Variants in ATXN7L1 observed in about 807,000 individuals in gnomAD.
ATXN7L1 encodes ataxin-7-like protein 1.
A neutral mutation model predicts 70.8 loss-of-function variants in ATXN7L1; 15 were observed. That is an observed-to-expected ratio of 0.21 (90% CI 0.14 to 0.33). ATXN7L1 has a LOEUF of 0.33. Ranked by LOEUF, ATXN7L1 falls within the 10% of genes least tolerant of loss-of-function variation. The pLI is 1.00. For missense variants in ATXN7L1, 975 were observed against 1,097.1 expected (o/e 0.89, Z 1.57); for synonymous variants, 440 against 445.1 (o/e 0.99, Z 0.14).
chr7:105,850,387 T>C lies in ATXN7L1; in HGVS notation c.250+25425A>G, dbSNP rs552910740. On this transcript the variant is annotated intron_variant, in intron 2 of 11. Transcript: ENST00000419735. ...CTGAAGGACACCCCCTAGTCCTCTGTTCCAGGGGCTACTCAATGGCAACCA... is the reference window on the plus strand; with the variant it reads ...CTGAAGGACACCCCCTAGTCCTCTGCTCCAGGGGCTACTCAATGGCAACCA... 7.6e-4 allele frequency among the ~76,000 whole-genome samples: 116 copies of C among 152,336 alleles called. 2 individuals are homozygous for C. In the South Asian group the frequency reaches 0.021, roughly 28 times the overall value.
At chr7:105,613,211 T>G (rs1199213541) in intron 10 of ATXN7L1, among the ~76,000 whole-genome samples, 2 of 152,202 alleles carry the variant, frequency 1.3e-5, no homozygotes, top group African/African-American at 4.8e-5. Flanking sequence ...CTCTCTCAGC[T>G]TCCTCACCAT....
At chr7:105,636,170 G>C (rs1049598778) in intron 7 of ATXN7L1, among the ~76,000 whole-genome samples, 1 of 152,048 alleles carries the variant, frequency 6.6e-6, no homozygotes, top group East Asian at 1.9e-4. Flanking sequence ...CGAGGTGGGC[G>C]AATCACCTGA....
chr7:105,728,993 G>A (rs2116323692), intron 3 of ATXN7L1, among the ~76,000 whole-genome samples: 1 of 152,230 alleles, frequency 6.6e-6, no homozygotes, highest in South Asian at 2.1e-4. Flanking sequence ...GCCACGCGTG[G>A]TAGCTCACAC....
At chr7:105,765,554 T>C (rs1316452) in intron 3 of ATXN7L1, among the ~76,000 whole-genome samples, 7,832 of 152,224 alleles carry the variant, frequency 0.051, 298 homozygotes, top group South Asian at 0.14. Context: ...TCCTGTGCTG[T>C]CTCTCATCCC....
intron 3 of ATXN7L1, among the ~76,000 whole-genome samples, chr7:105,704,839 A>C (rs1417714749): frequency 6.6e-6 from 1 of 151,588 alleles, no homozygotes; most frequent in Admixed American, 6.6e-5. Context: ...TCAAACTCCT[A>C]ACCTCAGGTG....
chr7:105,693,002 G>A (rs1791216162), intron 3 of ATXN7L1, among the ~76,000 whole-genome samples: 1 of 152,072 alleles, frequency 6.6e-6, no homozygotes, highest in Non-Finnish European at 1.5e-5. Context: ...ACAAGCATGA[G>A]CCGTCATGCC....
At chr7:105,717,620 T>C (rs1794723767) in intron 3 of ATXN7L1, among the ~76,000 whole-genome samples, 1 of 152,232 alleles carries the variant, frequency 6.6e-6, no homozygotes, top group Admixed American at 6.5e-5. Context: ...AGGTCCTTGA[T>C]ACATCTAGTC....
At chr7:105,751,403 G>A (rs74503464) in intron 3 of ATXN7L1, among the ~76,000 whole-genome samples, 1,556 of 152,200 alleles carry the variant, frequency 0.01, 21 homozygotes, top group African/African-American at 0.035. Flanking sequence ...CATGCCTGAC[G>A]GGTGAATCAC....
intron 3 of ATXN7L1, chr7:105,691,553 C>G (rs1272256842): frequency 1.3e-5 from 2 of 151,670 alleles, no homozygotes; most frequent in African/African-American, 2.4e-5. Context: ...AAACTAAAAC[C>G]ACTTACAGAG....
chr7:105,775,479 G>T (rs1802599676), intron 3 of ATXN7L1, among the ~76,000 whole-genome samples: 2 of 152,160 alleles, frequency 1.3e-5, no homozygotes, highest in Non-Finnish European at 2.9e-5. Context: ...GTAACTCTCC[G>T]TGATCCCAGA....
intron 3 of ATXN7L1, among the ~76,000 whole-genome samples, chr7:105,682,988 G>C (rs1805729155): frequency 6.6e-6 from 1 of 152,174 alleles, no homozygotes; most frequent in African/African-American, 2.4e-5. Context: ...GTAAGAGCAA[G>C]GATAATCTAC....
At chr7:105,629,625 C>T (rs1796280436) in intron 7 of ATXN7L1, among the ~76,000 whole-genome samples, 1 of 151,292 alleles carries the variant, frequency 6.6e-6, no homozygotes, top group Non-Finnish European at 1.5e-5. Flanking sequence ...AAGTGATTCT[C>T]CTGCCTCAGC....
At chr7:105,778,573 T>G (rs180939939) in intron 3 of ATXN7L1, among the ~76,000 whole-genome samples, 38 of 151,726 alleles carry the variant, frequency 2.5e-4, no homozygotes, top group African/African-American at 8.7e-4. Context: ...AAGATCCTAT[T>G]AATTTATTTC....
chr7:105,670,722 G>C (rs1291965175), intron 3 of ATXN7L1, among the ~76,000 whole-genome samples: 1 of 151,704 alleles, frequency 6.6e-6, no homozygotes, highest in African/African-American at 2.4e-5. Flanking sequence ...CCAGCACTTT[G>C]GGAGGCCAAG....
chr7:105,805,366 A>G (rs1299709383), intron 2 of ATXN7L1, among the ~76,000 whole-genome samples: 1 of 152,200 alleles, frequency 6.6e-6, no homozygotes, highest in East Asian at 1.9e-4. Context: ...ATATGCAGGA[A>G]GTTCAGGGGG....
chr7:105,851,606 G>C (rs1289586503), intron 2 of ATXN7L1, among the ~76,000 whole-genome samples: 1 of 152,198 alleles, frequency 6.6e-6, no homozygotes, highest in Non-Finnish European at 1.5e-5. Context: ...AAAGCAGCAA[G>C]CTTATTCCTC....
At chr7:105,841,451 C>T (rs1355140540) in intron 2 of ATXN7L1, among the ~76,000 whole-genome samples, 1 of 152,198 alleles carries the variant, frequency 6.6e-6, no homozygotes, top group Non-Finnish European at 1.5e-5. Context: ...CAGAAGTAAA[C>T]AATTCATAGG....
chr7:105,641,727 G>A (rs1375003929), intron 5 of ATXN7L1, among the ~76,000 whole-genome samples: 1 of 152,284 alleles, frequency 6.6e-6, no homozygotes, highest in African/African-American at 2.4e-5. Flanking sequence ...GAGGCCCACA[G>A]TGCTTAGGGA....
intron 4 of ATXN7L1, among the ~76,000 whole-genome samples, chr7:105,647,746 C>T (rs1326681701): frequency 6.6e-6 from 1 of 152,230 alleles, no homozygotes; most frequent in Admixed American, 6.5e-5. Context: ...TGAATGTGCT[C>T]CTTAAGGCAG....
Sources: gnomAD v4.1 joint callset for allele counts (sites outside exome capture counted in the v4.1 genomes callset) on GRCh38, gnomAD v4.1.1 for gene constraint, MANE v1.5 for transcripts, NCBI Gene and HGNC (gene_info 2026-07-23, HGNC 2026-07-21) for gene names.